The following ACAP2 variants were observed in gnomAD, a reference collection of about 807,000 sequenced individuals.
The protein encoded by ACAP2 is ArfGAP with coiled-coil, ankyrin repeat and PH domains 2, also known as arf-GAP with coiled-coil, ANK repeat and PH domain-containing protein 2.
Under a neutral mutation model 115.8 loss-of-function variants are expected in ACAP2, and 39 were observed. The ratio of observed to expected loss-of-function variants is 0.34; its 90% CI spans 0.26 to 0.44. The LOEUF is 0.44. Ranked by LOEUF, ACAP2 falls within the 20% of genes least tolerant of loss-of-function variation. The pLI is 1.00. For synonymous variants in ACAP2, 289 were observed against 315.8 expected (o/e 0.92, Z 0.90); for missense variants, 662 against 927.6 (o/e 0.71, Z 3.72).
At chr3:195,323,021 G>A (rs1327549517) in intron 9 of ACAP2, among the ~76,000 whole-genome samples, 4 of 152,190 alleles carry the variant, frequency 2.6e-5, no homozygotes. Context: ...GCAAGAGACT[G>A]AGTGAAAACT....
At chr3:195,431,257 T>C (rs1338837864) in intron 1 of ACAP2, among the ~76,000 whole-genome samples, 1 of 152,234 alleles carries the variant, frequency 6.6e-6, no homozygotes, top group South Asian at 2.1e-4. Flanking sequence ...TCCATTTGTA[T>C]AGATACTTCA....
Position 195,392,076 on chromosome 3 carries a change from C to T in ACAP2, c.111+14G>A, listed in dbSNP as rs751237306. ...GAGAATCAATGTTTCAAAAAGCTAA[C>T]TTGTAAAATTTACCTTATCAAGTTT... On this transcript the variant is annotated intron_variant, in intron 2 of 22. Transcript: ENST00000326793. 1.9e-6 allele frequency: 3 copies of T among 1,606,940 alleles called. No homozygotes were observed. The highest frequency in any genetic ancestry group is 2.6e-6 in the Non-Finnish European group (3 of 1,174,410).
intron 1 of ACAP2, among the ~76,000 whole-genome samples, chr3:195,396,028 A>T (rs530583801): frequency 6.6e-6 from 1 of 152,246 alleles, no homozygotes; most frequent in East Asian, 1.9e-4. Flanking sequence ...AAGTGGGTGG[A>T]TCACATAAGG....
intron 18 of ACAP2, 36 bp from the exon 19 acceptor site, chr3:195,292,488 G>A (rs377413166): frequency 1.9e-6 from 3 of 1,547,508 alleles, no homozygotes; most frequent in African/African-American, 2.8e-5. Context: ...ATAAAAATGA[G>A]CTCTTGGCAG....
chr3:195,424,382 C>G (rs1296327385), intron 1 of ACAP2, among the ~76,000 whole-genome samples: 1 of 147,880 alleles, frequency 6.8e-6, no homozygotes, highest in Non-Finnish European at 1.5e-5. Context: ...GCAACCTCCA[C>G]CTCCCTGGTT....
Position 195,385,246 on chromosome 3 carries a change from C to CAA in ACAP2, c.112-3226_112-3225dup, listed in dbSNP as rs112932639. On this transcript the variant is annotated intron_variant, in intron 2 of 22. Transcript: ENST00000326793. Reference sequence around the variant, plus strand: ...TGGTCAACAACCCTATCTCTGTATTCAAAAAAAAAAAAAAAAGATTCTTAG... The same window carrying CAA: ...TGGTCAACAACCCTATCTCTGTATTCAAAAAAAAAAAAAAAAAAGATTCTTAG... Among the ~76,000 whole-genome samples the CAA allele has an allele frequency of 4.8e-4, 57 of 118,714 alleles. 1 individual carries two copies. Among genetic ancestry groups the CAA allele is most frequent in the East Asian group, 4.7e-3 (18 of 3,832 alleles). 77.9% of individuals were successfully genotyped at this position (118,714 alleles called of 152,430 possible). A position where few individuals can be genotyped will look rare whatever the true frequency, so the allele number is the denominator to read the frequency against.
chr3:195,291,730 T>C lies in ACAP2; in HGVS notation c.2039A>G (p.His680Arg). 1.2e-6 allele frequency: 2 copies of C among 1,613,934 alleles called. No individual in the cohort carries two copies. The highest frequency in any genetic ancestry group is 1.7e-5 in the Admixed American group (1 of 59,960). The change falls in exon 20 of 23, where the codon CAT (histidine) becomes CGT (arginine). Residue 680 changes from histidine to arginine, a missense_variant. By Grantham distance (29) the His-to-Arg change is conservative (BLOSUM62 0). Coordinates refer to ENST00000326793, the MANE Select transcript of ACAP2 (RefSeq NM_012287.6). ...CCCTGTGTGCCCTAAGACGGTGGCA[T>C]GGTGCAATGGTCCCCGCCCTTGGAC... The part of the protein sequence containing the change: ...RDVQGRGPLH[H>R]ATVLGHTGQV...
intron 4 of ACAP2, among the ~76,000 whole-genome samples, chr3:195,360,171 G>A (rs932531928): frequency 1.3e-5 from 2 of 151,702 alleles, no homozygotes; most frequent in Non-Finnish European, 2.9e-5. Context: ...TGAAAATAAA[G>A]GAATGGAAAA....
intron 22 of ACAP2, among the ~76,000 whole-genome samples, chr3:195,284,665 T>C (rs1726726980): frequency 1.3e-5 from 2 of 152,208 alleles, no homozygotes; most frequent in African/African-American, 4.8e-5. Context: ...ATGGCTGAAG[T>C]ACAGAAATTT....
At position 195,305,249 on chromosome 3, in the gene ACAP2, C is replaced by T. The variant is rs188559891; in HGVS notation, c.1116+1262G>A. On this transcript the variant is annotated intron_variant, in intron 13 of 22. Transcript: ENST00000326793. ...AGAAAGTAGAGCAAAACAACACACA[C>T]GGACACAAAAATAAGAAAATCATAA... Among the ~76,000 whole-genome samples, 39 of 152,160 alleles carry T rather than the reference C, an allele frequency of 2.6e-4. 1 individual carries two copies. In the East Asian group the frequency reaches 6.9e-3, roughly 27 times the overall value.
At chr3:195,305,655 A>G (rs1450471335) in intron 13 of ACAP2, among the ~76,000 whole-genome samples, 1 of 152,186 alleles carries the variant, frequency 6.6e-6, no homozygotes, top group Non-Finnish European at 1.5e-5. Context: ...AGATTGGAGA[A>G]GTGTGATTCT....
chr3:195,290,872 T>A (rs1025618107), intron 20 of ACAP2, among the ~76,000 whole-genome samples: 29 of 150,036 alleles, frequency 1.9e-4, no homozygotes, highest in African/African-American at 5.6e-4. Flanking sequence ...AATAAATAAA[T>A]AAAAATAGCC....
intron 4 of ACAP2, among the ~76,000 whole-genome samples, chr3:195,372,555 C>T (rs1733226675): frequency 6.6e-6 from 1 of 152,050 alleles, no homozygotes; most frequent in South Asian, 2.1e-4. Context: ...ACACAATAGC[C>T]CGCACCTTGT....
chr3:195,338,000 G>C (rs1316581243), intron 6 of ACAP2, among the ~76,000 whole-genome samples: 1 of 145,604 alleles, frequency 6.9e-6, no homozygotes, highest in African/African-American at 2.5e-5. Flanking sequence ...TGCACTGGCT[G>C]TTCTGTGCAC....
At chr3:195,348,114 A>T (rs952163538) in intron 4 of ACAP2, among the ~76,000 whole-genome samples, 4 of 152,066 alleles carry the variant, frequency 2.6e-5, no homozygotes, top group Non-Finnish European at 5.9e-5. Flanking sequence ...TTTGTCTATA[A>T]ATTATTTTTA....
chr3:195,329,657 G>A (rs1488779932), intron 8 of ACAP2, among the ~76,000 whole-genome samples: 3 of 151,926 alleles, frequency 2.0e-5, no homozygotes, highest in Admixed American at 1.3e-4. Flanking sequence ...CTACTGCCTG[G>A]GTCCCCAGCT....
chr3:195,332,470 G>T (rs1044445220), intron 8 of ACAP2, among the ~76,000 whole-genome samples: 2 of 151,596 alleles, frequency 1.3e-5, no homozygotes, highest in Non-Finnish European at 2.9e-5. Context: ...TCATTTTTTG[G>T]GTATACCCAA....
At position 195,440,886 on chromosome 3, in the gene ACAP2, T is replaced by C. The variant is rs1240110766; in HGVS notation, c.53+1909A>G. Among the ~76,000 whole-genome samples the C allele has an allele frequency of 6.6e-5, 10 of 152,182 alleles. 1 individual carries two copies. The highest frequency in any genetic ancestry group is 6.6e-4 in the Admixed American group (10 of 15,256). ...TGAAATTTTGGCATCTCTTCCCAATTTGCAGCTAACAATAATTGGAATATG... is the reference window on the plus strand; with the variant it reads ...TGAAATTTTGGCATCTCTTCCCAATCTGCAGCTAACAATAATTGGAATATG... On this transcript the variant is annotated intron_variant, in intron 1 of 22. Coordinates refer to ENST00000326793, the MANE Select transcript of ACAP2 (RefSeq NM_012287.6).
At position 195,277,003 on chromosome 3, in the gene ACAP2, T is replaced by C. The variant is rs1029984385; in HGVS notation, c.*2325A>G. 6.6e-6 allele frequency: 1 copy of C among 152,206 alleles called. No individual in the cohort carries two copies. The highest frequency in any genetic ancestry group is 1.5e-5 in the Non-Finnish European group (1 of 68,032). The allele number at this position is 152,206 out of a possible 1,614,324, so 9.4% of individuals were successfully genotyped here. A position where few individuals can be genotyped will look rare whatever the true frequency, so the allele number is the denominator to read the frequency against. On this transcript the variant is annotated 3_prime_UTR_variant, in exon 23 of 23. Transcript: ENST00000326793. The stretch of plus-strand genomic sequence containing the variant: ...TACATTTCTGACCACTAAATTTAAG[T>C]AGATACTAATTAATTACTGCCATAT...
Sources: gnomAD v4.1 joint callset for allele counts (sites outside exome capture counted in the v4.1 genomes callset) on GRCh38, gnomAD v4.1.1 for gene constraint, MANE v1.5 for transcripts, NCBI Gene and HGNC (gene_info 2026-07-23, HGNC 2026-07-21) for gene names.